KLF7: variants seen among roughly 807,000 people sequenced by gnomAD.
KLF7 encodes KLF transcription factor 7.
A neutral mutation model predicts 27.3 loss-of-function variants in KLF7; 2 were observed. The observed-to-expected ratio is 0.07, with a 90% CI of 0.03 to 0.23. KLF7 has a LOEUF of 0.23. Ranked by LOEUF, KLF7 falls within the 10% of genes least tolerant of loss-of-function variation. KLF7 has a pLI of 1.00. For missense variants in KLF7, 221 were observed against 394.1 expected, an observed-to-expected ratio of 0.56 and a Z score of 3.72; for synonymous variants, 165 against 162.4, an observed-to-expected ratio of 1.02 and a Z score of -0.12.
At chr2:207,151,909 A>G (rs919983991) in intron 1 of KLF7, among the ~76,000 whole-genome samples, 1 of 152,172 alleles carries the variant, frequency 6.6e-6, no homozygotes, top group Non-Finnish European at 1.5e-5. Context: ...AAAAATCACC[A>G]TCTGGTCAAC....
At chr2:207,169,292 G>A (rs1027809754), upstream of KLF7, among the ~76,000 whole-genome samples, 3 of 152,120 alleles carry the variant, frequency 2.0e-5, no homozygotes, top group African/African-American at 7.2e-5. Context: ...AGAAATAAAT[G>A]AGGATATTTT....
At chr2:207,156,418 T>G (rs1020312498) in intron 1 of KLF7, among the ~76,000 whole-genome samples, 1 of 152,200 alleles carries the variant, frequency 6.6e-6, no homozygotes, top group African/African-American at 2.4e-5. Context: ...AACACTGTGG[T>G]TGGTCAGTAA....
Position 207,126,418 on chromosome 2 carries a change from G to T in KLF7, c.103-2014C>A, listed in dbSNP as rs181237557. Among the ~76,000 whole-genome samples the T allele has an allele frequency of 2.6e-5, 4 of 152,210 alleles. No homozygotes were observed. The East Asian group carries it at 7.7e-4, about 29-fold the overall frequency. ...AAAGCCCACTTTATACTATTACTTT[G>T]ATCATTCTACCTCTTCTACTCTTCA... is the stretch of plus-strand genomic sequence containing the variant. On this transcript the variant is annotated intron_variant, in intron 1 of 3. Transcript: ENST00000309446.
chr2:207,105,546 A>G (rs1445808107), intron 2 of KLF7, among the ~76,000 whole-genome samples: 1 of 152,176 alleles, frequency 6.6e-6, no homozygotes, highest in Admixed American at 6.5e-5. Flanking sequence ...TCTAGAAGCC[A>G]AGAAAGGGAC....
At chr2:207,098,429 C>T (rs929280624) in intron 2 of KLF7, among the ~76,000 whole-genome samples, 2 of 152,142 alleles carry the variant, frequency 1.3e-5, no homozygotes, top group Non-Finnish European at 2.9e-5. Context: ...TTCCATTTAG[C>T]AGCAATGTTA....
chr2:207,121,495 GT>G (rs1454921230), intron 2 of KLF7: 1 of 152,134 alleles, frequency 6.6e-6, no homozygotes, highest in African/African-American at 2.4e-5. Context: ...AGACACAATT[GT>G]CTCTACTTTA....
At chr2:207,153,490 A>G (rs764631350) in intron 1 of KLF7, among the ~76,000 whole-genome samples, 4 of 152,334 alleles carry the variant, frequency 2.6e-5, no homozygotes, top group East Asian at 3.9e-4. Context: ...GTAAAGTGAG[A>G]CACTTACCAT....
At chr2:207,166,935 G>A (rs1412246339), upstream of KLF7, 10 of 941,910 alleles carry the variant, frequency 1.1e-5, no homozygotes, top group African/African-American at 1.8e-5. Context: ...GCCCCGCCCC[G>A]CGGGCGCCGC....
In KLF7 at chr2:207,074,446, C is replaced by G. The variant is rs1468840522; in HGVS notation, c.*6767G>C. ...GATTTTAGTACTTTTCTTTTCAGTTCTGAGAATTTTCCCTGGGGCTTTCAT... is the reference window on the plus strand; with the variant it reads ...GATTTTAGTACTTTTCTTTTCAGTTGTGAGAATTTTCCCTGGGGCTTTCAT... On this transcript the variant is annotated 3_prime_UTR_variant, in exon 4 of 4. Coordinates refer to ENST00000309446, the MANE Select transcript of KLF7 (RefSeq NM_003709.4). 1 of 152,278 alleles carries G rather than the reference C, an allele frequency of 6.6e-6. No homozygotes were observed. The highest frequency in any genetic ancestry group is 6.5e-5 in the Admixed American group (1 of 15,274). The allele number at this position is 152,278 out of a possible 1,614,324, so 9.4% of individuals were successfully genotyped here.
chr2:207,166,568 G>A (rs949657580), upstream of KLF7: 9 of 155,006 alleles, frequency 5.8e-5, no homozygotes, highest in African/African-American at 2.2e-4. Context: ...GCGGCCCTGA[G>A]GCTGACGGTC....
intron 1 of KLF7, among the ~76,000 whole-genome samples, chr2:207,164,647 C>T (rs2078648396): frequency 6.6e-6 from 1 of 152,192 alleles, no homozygotes; most frequent in African/African-American, 2.4e-5. Flanking sequence ...AACTTGGCAT[C>T]GGTGCCCTTC....
chr2:207,156,479 T>G (rs958867138), intron 1 of KLF7, among the ~76,000 whole-genome samples: 1 of 152,204 alleles, frequency 6.6e-6, no homozygotes, highest in Non-Finnish European at 1.5e-5. Flanking sequence ...CCAACAGATG[T>G]ACATGCATGC....
intron 2 of KLF7, chr2:207,120,913 C>A (rs886292710): frequency 6.6e-6 from 1 of 152,242 alleles, no homozygotes; most frequent in Non-Finnish European, 1.5e-5. Flanking sequence ...CCAATTCACA[C>A]CAATTCCAAA....
chr2:207,103,540 C>T (rs1315589452), intron 2 of KLF7, among the ~76,000 whole-genome samples: 1 of 152,212 alleles, frequency 6.6e-6, no homozygotes, highest in Non-Finnish European at 1.5e-5. Context: ...GCTTAACATA[C>T]ATGAACAAAG....
chr2:207,139,865 G>T (rs939179873), intron 1 of KLF7, among the ~76,000 whole-genome samples: 3 of 152,154 alleles, frequency 2.0e-5, no homozygotes, highest in Non-Finnish European at 4.4e-5. Flanking sequence ...GATAGAATTA[G>T]AATCATTTTT....
upstream of KLF7, chr2:207,165,967 T>C: frequency 2.9e-5 from 29 of 1,008,386 alleles, no homozygotes; most frequent in Non-Finnish European, 3.4e-5. Context: ...ATGCAATCTT[T>C]GCTCTTTATT....
At chr2:207,150,624 G>A (rs890710427) in intron 1 of KLF7, among the ~76,000 whole-genome samples, 2 of 152,178 alleles carry the variant, frequency 1.3e-5, no homozygotes, top group Admixed American at 1.3e-4. Flanking sequence ...CTTCATATGG[G>A]AAATATAATT....
chr2:207,105,420 G>C (rs2076858605), intron 2 of KLF7, among the ~76,000 whole-genome samples: 1 of 152,178 alleles, frequency 6.6e-6, no homozygotes. Flanking sequence ...TTCCATCTTA[G>C]GGAGGGGAAC....
Position 207,079,644 on chromosome 2 carries a change from C to T in KLF7, c.*1569G>A, listed in dbSNP as rs1305951832. 1.3e-5 allele frequency: 2 copies of T among 152,030 alleles called. No individual in the cohort carries two copies. Among genetic ancestry groups the T allele is most frequent in the East Asian group, 1.9e-4 (1 of 5,184 alleles). The allele number at this position is 152,030 out of a possible 1,614,324, so 9.4% of individuals were successfully genotyped here. ...ACCACTACTGGATGTGTGAGTGTGG[C>T]ATGACAAGTAAGGACTGTAGACTCC... On this transcript the variant is annotated 3_prime_UTR_variant, in exon 4 of 4. Coordinates refer to ENST00000309446, the MANE Select transcript of KLF7 (RefSeq NM_003709.4).
Sources: gnomAD v4.1 joint callset for allele counts (sites outside exome capture counted in the v4.1 genomes callset) on GRCh38, gnomAD v4.1.1 for gene constraint, MANE v1.5 for transcripts, NCBI Gene and HGNC (gene_info 2026-07-23, HGNC 2026-07-21) for gene names.